Variants in INPP4A observed in about 807,000 individuals in gnomAD.
INPP4A encodes the protein inositol polyphosphate-4-phosphatase type I A.
A neutral mutation model predicts 119.8 loss-of-function variants in INPP4A; 33 were observed. That is an observed-to-expected ratio of 0.28 (90% CI 0.21 to 0.37). The LOEUF (loss-of-function observed/expected upper bound fraction) is 0.37, where lower values mean the gene tolerates loss of function less well. Among genes scored for constraint, INPP4A ranks in the 10% least tolerant of loss-of-function variants. The pLI, the probability that INPP4A is intolerant of heterozygous loss-of-function variation, is 1.00. For missense variants in INPP4A, 956 were observed against 1,289.9 expected, an observed-to-expected ratio of 0.74 and a Z score of 3.97; for synonymous variants, 496 against 500.7, an observed-to-expected ratio of 0.99 and a Z score of 0.12.
chr2:98,481,837 G>C lies in INPP4A; in HGVS notation c.-166+36752G>C, dbSNP rs568959167. 9.8e-5 allele frequency among the ~76,000 whole-genome samples: 15 copies of C among 152,302 alleles called. No homozygotes were observed. The East Asian group carries it at 2.9e-3, about 29-fold the overall frequency. On this transcript the variant is annotated intron_variant, in intron 1 of 24. Transcript: ENST00000409851. ...GGTCTTCAGGGTGCTCCCTGTCCAC[G>C]CACCACCTCTGGCTGGGCTTTCCGT...
At position 98,552,779 on chromosome 2, in the gene INPP4A, T is replaced by G. The variant is rs770819596; in HGVS notation, c.1164-7T>G. The G allele has an allele frequency of 1.2e-6, 2 of 1,607,856 alleles. No homozygotes were observed. The highest frequency in any genetic ancestry group is 3.3e-5 in the Admixed American group (2 of 59,980). On this transcript the variant is annotated splice_polypyrimidine_tract_variant and splice_region_variant and intron_variant, in intron 13 of 24. Coordinates refer to ENST00000409851, the MANE Select transcript of INPP4A (RefSeq NM_001134225.2). ...AATCCCTTAGAATCCATTCTTATCC[T>G]TTCCAGTACATCATCTGGCTGCCAG... is the stretch of plus-strand genomic sequence containing the variant.
chr2:98,445,954 C>T (rs1409817039), intron 1 of INPP4A, among the ~76,000 whole-genome samples: 1 of 152,206 alleles, frequency 6.6e-6, no homozygotes, highest in African/African-American at 2.4e-5. Context: ...TTGTCGCCTG[C>T]CCCTCAGGGC....
intron 15 of INPP4A, 39 bp from the exon 16 acceptor site, chr2:98,555,514 C>T (rs375764107): frequency 1.3e-5 from 21 of 1,556,660 alleles, no homozygotes; most frequent in Middle Eastern, 1.7e-4. Flanking sequence ...TGTTTCTGTT[C>T]GGGAGAGCTG....
intron 4 of INPP4A, among the ~76,000 whole-genome samples, chr2:98,523,961 G>A (rs1687711751): frequency 6.6e-6 from 1 of 152,088 alleles, no homozygotes; most frequent in Non-Finnish European, 1.5e-5. Context: ...TGTCATCCTA[G>A]TGCTCTTGAC....
intron 13 of INPP4A, among the ~76,000 whole-genome samples, chr2:98,547,100 G>A (rs1692620794): frequency 6.6e-6 from 1 of 152,216 alleles, no homozygotes; most frequent in Admixed American, 6.5e-5. Context: ...AAACATTCAG[G>A]GGGCTGTACA....
chr2:98,520,597 G>T (rs1228624313), intron 3 of INPP4A, 90 bp from the exon 4 acceptor site: 1 of 780,318 alleles, frequency 1.3e-6, no homozygotes, highest in East Asian at 2.7e-5. Context: ...GTTGTTGTTG[G>T]GGGGAAGTAG....
At chr2:98,516,757 T>C (rs961969146) in intron 1 of INPP4A, among the ~76,000 whole-genome samples, 1 of 152,072 alleles carries the variant, frequency 6.6e-6, no homozygotes, top group Admixed American at 6.5e-5. Context: ...AAATCTTCAG[T>C]GACACAAGAG....
At position 98,552,876 on chromosome 2, in the gene INPP4A, C is replaced by T. The variant is rs1303032269; in HGVS notation, c.1254C>T (p.Thr418=). ...EIIAQINTLK[T]QVSYYAERLS... Reference sequence around the variant, plus strand: ...TCGCCCAGATCAACACCCTGAAAACCCAAGTGAGTTACTACGCAGAGCGGC... The same window carrying T: ...TCGCCCAGATCAACACCCTGAAAACTCAAGTGAGTTACTACGCAGAGCGGC... Residue 418 remains threonine, a synonymous_variant, in exon 14 of 25, where the codon ACC becomes ACT. Coordinates refer to ENST00000409851, the MANE Select transcript of INPP4A (RefSeq NM_001134225.2). 3.7e-6 allele frequency: 6 copies of T among 1,613,738 alleles called. No homozygotes were observed. The highest frequency in any genetic ancestry group is 5.1e-6 in the Non-Finnish European group (6 of 1,179,824).
At chr2:98,535,881 C>T (rs763994616) in intron 6 of INPP4A, 36 bp downstream of exon 6, 1 of 1,073,218 alleles carries the variant, frequency 9.3e-7, no homozygotes, top group African/African-American at 1.6e-5. Context: ...GGATTTTCTT[C>T]CCTTTGAAAA....
intron 1 of INPP4A, among the ~76,000 whole-genome samples, chr2:98,474,653 A>G (rs1210294181): frequency 6.6e-6 from 1 of 152,136 alleles, no homozygotes; most frequent in Admixed American, 6.5e-5. Flanking sequence ...CAGCAGACCC[A>G]TCTCACCTGG....
chr2:98,571,527 AC>A (rs1697447328), intron 22 of INPP4A, among the ~76,000 whole-genome samples: 1 of 152,248 alleles, frequency 6.6e-6, no homozygotes, highest in Non-Finnish European at 1.5e-5. Context: ...GGGAGCTGTT[AC>A]AATGGGCAGT....
chr2:98,498,975 G>A (rs1342702455), intron 1 of INPP4A, among the ~76,000 whole-genome samples: 1 of 152,174 alleles, frequency 6.6e-6, no homozygotes, highest in Non-Finnish European at 1.5e-5. Context: ...CTAGTCTGTG[G>A]GATTTTGTTA....
Position 98,572,817 on chromosome 2 carries a change from C to T in INPP4A, c.2521C>T (p.Leu841=), listed in dbSNP as rs988006322. 4 of 1,552,960 alleles carry T rather than the reference C, an allele frequency of 2.6e-6. No individual in the cohort carries two copies. The African/African-American group carries it at 5.5e-5, about 21-fold the overall frequency. The stretch of plus-strand genomic sequence containing the variant: ...CACGAACTCCTTTTCTCTTCCAGGC[C>T]TGCCTCGGTCTCGCAGTCAGACGTG... ...QFKEVLPEDC[L]PRSRSQTCLP... is the part of the protein sequence containing the mutation. Residue 841 remains leucine, a splice_region_variant and synonymous_variant, in exon 23 of 25, where the codon CTG becomes TTG. Coordinates refer to ENST00000409851, the MANE Select transcript of INPP4A (RefSeq NM_001134225.2).
chr2:98,490,175 C>T (rs183913384), intron 1 of INPP4A, among the ~76,000 whole-genome samples: 7 of 151,780 alleles, frequency 4.6e-5, no homozygotes, highest in East Asian at 3.9e-4. Context: ...TTGGCATGGC[C>T]GCTTACTTGG....
At chr2:98,479,859 G>C (rs922561151) in intron 1 of INPP4A, among the ~76,000 whole-genome samples, 1 of 152,192 alleles carries the variant, frequency 6.6e-6, no homozygotes, top group African/African-American at 2.4e-5. Flanking sequence ...TCTGGTACAG[G>C]GGTCAGCTCT....
chr2:98,578,790 C>T (rs941761248), intron 24 of INPP4A, among the ~76,000 whole-genome samples: 4 of 152,224 alleles, frequency 2.6e-5, no homozygotes, highest in African/African-American at 7.2e-5. Context: ...TAAGCCCCTA[C>T]ACTAGTTCCT....
At chr2:98,503,947 A>G (rs1182858129) in intron 1 of INPP4A, among the ~76,000 whole-genome samples, 1 of 152,242 alleles carries the variant, frequency 6.6e-6, no homozygotes, top group Non-Finnish European at 1.5e-5. Flanking sequence ...TACATGGTTG[A>G]ACTTACTCAA....
At chr2:98,540,498 T>C (rs1414715184) in intron 10 of INPP4A, among the ~76,000 whole-genome samples, 1 of 152,256 alleles carries the variant, frequency 6.6e-6, no homozygotes, top group Non-Finnish European at 1.5e-5. Context: ...TTATGTCCCC[T>C]GTCTCTCTCT....
At chr2:98,538,736 C>T (rs1690804552) in intron 8 of INPP4A, among the ~76,000 whole-genome samples, 155 bp from the exon 9 acceptor site, 1 of 152,196 alleles carries the variant, frequency 6.6e-6, no homozygotes, top group Admixed American at 6.5e-5. Context: ...AGGTGAATGA[C>T]TTTGTGGCTT....
Sources: allele counts gnomAD v4.1 joint callset (sites outside exome capture counted in the v4.1 genomes callset), GRCh38; gene constraint gnomAD v4.1.1; transcripts MANE v1.5; gene names NCBI Gene and HGNC (gene_info 2026-07-23, HGNC 2026-07-21).